The following KIAA0825 variants were observed in gnomAD, a reference collection of about 807,000 sequenced individuals.
KIAA0825 encodes KIAA0825.
A neutral mutation model predicts 147.6 loss-of-function variants in KIAA0825; 119 were observed. The ratio of observed to expected loss-of-function variants is 0.81; its 90% CI spans 0.69 to 0.94. The LOEUF is 0.94. Ranked by LOEUF, KIAA0825 falls within the 40% of genes least tolerant of loss-of-function variation. The pLI, the probability that KIAA0825 is intolerant of heterozygous loss-of-function variation, is 0.00. For synonymous variants in KIAA0825, 470 were observed against 518.1 expected, an observed-to-expected ratio of 0.91 and a Z score of 1.26; for missense variants, 1,381 against 1,472.7, an observed-to-expected ratio of 0.94 and a Z score of 1.02.
intron 5 of KIAA0825, among the ~76,000 whole-genome samples, chr5:94,489,903 A>AAAAG (rs1562551634): frequency 6.6e-6 from 1 of 151,728 alleles, no homozygotes; most frequent in African/African-American, 2.4e-5. Flanking sequence ...AAAAAAAAAA[A>AAAAG]AAAGAAAGAA....
intron 14 of KIAA0825, among the ~76,000 whole-genome samples, chr5:94,438,574 A>C (rs17378645): frequency 0.016 from 2,446 of 152,176 alleles, 32 homozygotes; most frequent in Middle Eastern, 0.061. Context: ...GAACACAGTG[A>C]GGCCTGAGGA....
At chr5:94,261,174 G>T (rs892095662) in intron 20 of KIAA0825, among the ~76,000 whole-genome samples, 1 of 151,408 alleles carries the variant, frequency 6.6e-6, no homozygotes, top group Non-Finnish European at 1.5e-5. Context: ...GTGGTGGTGC[G>T]TGCCTATAGT....
At chr5:94,486,283 T>C (rs757321324) in intron 5 of KIAA0825, among the ~76,000 whole-genome samples, 2 of 152,032 alleles carry the variant, frequency 1.3e-5, no homozygotes, top group Non-Finnish European at 2.9e-5. Flanking sequence ...ATTCAAAAAC[T>C]GTATAGGGTC....
At chr5:94,551,617 C>CA (rs1206964573) in intron 2 of KIAA0825, among the ~76,000 whole-genome samples, 3 of 151,824 alleles carry the variant, frequency 2.0e-5, no homozygotes, top group Non-Finnish European at 4.4e-5. Context: ...CCCAGCAAAC[C>CA]TATCCTTCAG....
intron 15 of KIAA0825, among the ~76,000 whole-genome samples, chr5:94,408,107 G>C (rs558369750): frequency 1.3e-5 from 2 of 152,140 alleles, no homozygotes; most frequent in Admixed American, 1.3e-4. Context: ...TATTAAAATG[G>C]TGGGTTGGAT....
At chr5:94,326,992 C>G (rs1780759762) in intron 20 of KIAA0825, among the ~76,000 whole-genome samples, 1 of 152,172 alleles carries the variant, frequency 6.6e-6, no homozygotes, top group Non-Finnish European at 1.5e-5. Flanking sequence ...ACCCTGATCA[C>G]ATGTTCCCAC....
intron 14 of KIAA0825, among the ~76,000 whole-genome samples, chr5:94,423,226 A>G (rs1158109876): frequency 6.6e-6 from 1 of 152,180 alleles, no homozygotes; most frequent in Non-Finnish European, 1.5e-5. Flanking sequence ...GGAAAGCAGT[A>G]TTGGCAAGCC....
At chr5:94,586,044 G>A (rs1783219893) in intron 1 of KIAA0825, among the ~76,000 whole-genome samples, 1 of 152,290 alleles carries the variant, frequency 6.6e-6, no homozygotes, top group African/African-American at 2.4e-5. Flanking sequence ...AAAACAGTGT[G>A]TAGTGGGAAA....
At chr5:94,205,299 A>ATATATATATATTTT (rs1254935243) in intron 20 of KIAA0825, among the ~76,000 whole-genome samples, 1 of 137,910 alleles carries the variant, frequency 7.3e-6, no homozygotes, top group African/African-American at 2.8e-5. Flanking sequence ...ATATATATAT[A>ATATATATATATTTT]TTTTGTTTTG....
intron 1 of KIAA0825, chr5:94,593,082 T>C: frequency 2.8e-6 from 2 of 718,362 alleles, no homozygotes; most frequent in South Asian, 2.8e-5. Flanking sequence ...ATAATTTAGC[T>C]ACAAATAAAT....
Position 94,154,039 on chromosome 5 carries a change from A to G in KIAA0825, c.3796T>C (p.Ser1266Pro). Residue 1266 changes from serine to proline, a missense_variant, in exon 21 of 21, where the codon TCT becomes CCT. Transcript: ENST00000682413. ...HLKQICTPQN[S>P]SASDNIEEQ ...TCCTCTATGTTATCTGAGGCAGAAGAGTTCTGTGGGGTGCAAATTTGTTTT... is the reference window on the plus strand; with the variant it reads ...TCCTCTATGTTATCTGAGGCAGAAGGGTTCTGTGGGGTGCAAATTTGTTTT... 6.4e-7 allele frequency: 1 copy of G among 1,551,560 alleles called. No homozygotes were observed. Among genetic ancestry groups the G allele is most frequent in the South Asian group, 1.2e-5 (1 of 84,052 alleles).
rs555859709 is a variant in KIAA0825 at position 94,383,084 on chromosome 5, C to T, written c.3710+1284G>A. 2.6e-5 allele frequency among the ~76,000 whole-genome samples: 4 copies of T among 152,266 alleles called. No individual in the cohort carries two copies. In the East Asian group the frequency reaches 7.7e-4, roughly 29 times the overall value. ...CTCCTCCACCAACCCCTCCTCTCACCTCTCCAAATATCTTTGGGACAGTAT... is the reference window on the plus strand; with the variant it reads ...CTCCTCCACCAACCCCTCCTCTCACTTCTCCAAATATCTTTGGGACAGTAT... On this transcript the variant is annotated intron_variant, in intron 20 of 20. Coordinates refer to ENST00000682413, the MANE Select transcript of KIAA0825 (RefSeq NM_001145678.3).
chr5:94,249,213 T>A (rs1256458396), intron 20 of KIAA0825, among the ~76,000 whole-genome samples: 1 of 152,094 alleles, frequency 6.6e-6, no homozygotes, highest in Non-Finnish European at 1.5e-5. Context: ...AGGATTTGGG[T>A]AAATATAGAA....
intron 20 of KIAA0825, among the ~76,000 whole-genome samples, chr5:94,227,788 C>T (rs541027210): frequency 1.3e-5 from 2 of 151,150 alleles, no homozygotes; most frequent in Admixed American, 6.6e-5. Context: ...CACATGGACA[C>T]AGGGCGGGGA....
rs144994620 is a variant in KIAA0825 at position 94,528,382 on chromosome 5, G to A, written c.132-4284C>T. ...CTCTTGATTTGTTGTTATATACCAC[G>A]GATCCCACTACAAAAGTTGAGAATG... On this transcript the variant is annotated intron_variant, in intron 3 of 20. Coordinates refer to ENST00000682413, the MANE Select transcript of KIAA0825 (RefSeq NM_001145678.3). Among the ~76,000 whole-genome samples the A allele has an allele frequency of 1.3e-3, 193 of 152,202 alleles. 2 individuals are homozygous for A. In the East Asian group the frequency reaches 0.034, roughly 27 times the overall value.
At chr5:94,290,695 T>C (rs1316374681) in intron 20 of KIAA0825, among the ~76,000 whole-genome samples, 1 of 152,216 alleles carries the variant, frequency 6.6e-6, no homozygotes, top group Non-Finnish European at 1.5e-5. Context: ...TTTAGATCCT[T>C]GAGGAATCAC....
intron 20 of KIAA0825, among the ~76,000 whole-genome samples, chr5:94,383,071 C>A (rs1748635468): frequency 6.6e-6 from 1 of 152,198 alleles, no homozygotes; most frequent in South Asian, 2.1e-4. Flanking sequence ...CCTCCACCAA[C>A]CCCTCCTCTC....
chr5:94,607,228 CA>C (rs1787651389), intron 1 of KIAA0825, among the ~76,000 whole-genome samples: 1 of 152,006 alleles, frequency 6.6e-6, no homozygotes, highest in Non-Finnish European at 1.5e-5. Flanking sequence ...GATACTCCTT[CA>C]GGTGGTGTGC....
intron 5 of KIAA0825, among the ~76,000 whole-genome samples, chr5:94,502,517 A>C (rs1395960126): frequency 1.3e-5 from 2 of 152,216 alleles, no homozygotes; most frequent in Admixed American, 6.5e-5. Context: ...TTATATGTGC[A>C]TAAGAAAAAT....
Sources: allele counts gnomAD v4.1 joint callset (sites outside exome capture counted in the v4.1 genomes callset), GRCh38; gene constraint gnomAD v4.1.1; transcripts MANE v1.5; gene names NCBI Gene and HGNC (gene_info 2026-07-23, HGNC 2026-07-21).